LRRN1: variants seen among roughly 807,000 people sequenced by gnomAD.
LRRN1 encodes the protein leucine-rich repeat neuronal protein 1.
In LRRN1, 14 loss-of-function variants were observed where a neutral mutation model predicts 45.8. That is an observed-to-expected ratio of 0.31 (90% CI 0.20 to 0.48). The LOEUF is 0.48. Among genes scored for constraint, LRRN1 ranks in the 20% least tolerant of loss-of-function variants. LRRN1 has a pLI of 0.99. For synonymous variants in LRRN1, 359 were observed against 330.1 expected, an observed-to-expected ratio of 1.09 and a Z score of -0.95; for missense variants, 789 against 874.2, an observed-to-expected ratio of 0.90 and a Z score of 1.23.
At chr3:3,812,412 G>C (rs1210295198) in intron 1 of LRRN1, among the ~76,000 whole-genome samples, 1 of 152,200 alleles carries the variant, frequency 6.6e-6, no homozygotes, top group African/African-American at 2.4e-5. Flanking sequence ...GGAGAGGGAA[G>C]ATCTTTGTAA....
chr3:3,821,020 G>A (rs537307054), intron 1 of LRRN1, among the ~76,000 whole-genome samples: 1 of 152,310 alleles, frequency 6.6e-6, no homozygotes, highest in African/African-American at 2.4e-5. Flanking sequence ...CTTTTTAAAC[G>A]TGGTCTGCAT....
intron 1 of LRRN1, among the ~76,000 whole-genome samples, chr3:3,824,189 T>A (rs916261456): frequency 6.6e-6 from 1 of 152,236 alleles, no homozygotes; most frequent in Non-Finnish European, 1.5e-5. Flanking sequence ...GATCATACCA[T>A]ATACACGTAA....
chr3:3,845,224 A>G lies in LRRN1; in HGVS notation c.583A>G (p.Ile195Val). The G allele has an allele frequency of 6.2e-7, 1 of 1,614,208 alleles. No individual in the cohort carries two copies. Among genetic ancestry groups the G allele is most frequent in the Non-Finnish European group, 8.5e-7 (1 of 1,180,038 alleles). ...GTTTGATTCTACACCCAACCTGGAAATTCTCATGATCGGAGAAAACCCTGT... is the reference window on the plus strand; with the variant it reads ...GTTTGATTCTACACCCAACCTGGAAGTTCTCATGATCGGAGAAAACCCTGT... ...RWFDSTPNLEILMIGENPVIG... is the reference protein window; with the variant it reads ...RWFDSTPNLEVLMIGENPVIG... The change falls in exon 2 of 2, where the codon ATT (isoleucine) becomes GTT (valine). Residue 195 changes from isoleucine (I) to valine (V), a missense_variant. Ile to Val is a conservative substitution (Grantham distance 29). Transcript: ENST00000319331. The surrounding 1 kb of genome is among the most constrained non-coding windows in gnomAD (Gnocchi z 6.5).
intron 1 of LRRN1, among the ~76,000 whole-genome samples, chr3:3,832,594 C>T (rs534740657): frequency 6.6e-6 from 1 of 152,264 alleles, no homozygotes; most frequent in East Asian, 1.9e-4. Context: ...TGCAGTTACC[C>T]TGGTAAAATG....
rs1278445388 is a variant in LRRN1, at chr3:3,816,204, C to A, written c.-279+16285C>A. Among the ~76,000 whole-genome samples the A allele has an allele frequency of 6.6e-6, 1 of 152,096 alleles. No individual in the cohort carries two copies. Among genetic ancestry groups the A allele is most frequent in the Admixed American group, 6.6e-5 (1 of 15,266 alleles). On this transcript the variant is annotated intron_variant, in intron 1 of 1. Coordinates refer to ENST00000319331, the MANE Select transcript of LRRN1 (RefSeq NM_020873.7). The surrounding 1 kb of genome is among the most constrained non-coding windows in gnomAD (Gnocchi z 4.0). Reference sequence around the variant, plus strand: ...TGTTCCTTTGCACCATATGATTACACAAGCCTAGACTGTGTAATTAAGGAC... The same window carrying A: ...TGTTCCTTTGCACCATATGATTACAAAAGCCTAGACTGTGTAATTAAGGAC...
At chr3:3,842,378 A>G (rs1693669678) in intron 1 of LRRN1, among the ~76,000 whole-genome samples, 1 of 151,858 alleles carries the variant, frequency 6.6e-6, no homozygotes, top group Admixed American at 6.6e-5. Context: ...CTCCTGTCTC[A>G]CACTTGCCAG....
chr3:3,835,258 C>T (rs1386022957), intron 1 of LRRN1, among the ~76,000 whole-genome samples: 1 of 152,178 alleles, frequency 6.6e-6, no homozygotes, highest in Admixed American at 6.5e-5. Context: ...ATTGTCAGAA[C>T]ATTTACATTA....
chr3:3,832,956 T>A (rs1693401784), intron 1 of LRRN1, among the ~76,000 whole-genome samples: 2 of 152,200 alleles, frequency 1.3e-5, no homozygotes, highest in Admixed American at 6.5e-5. Context: ...TCCATTACAG[T>A]AGCTATGCCC....
chr3:3,846,144 C>T lies in LRRN1; in HGVS notation c.1503C>T (p.Ala501=). The part of the protein sequence containing the change: ...IEDSGRYTCV[A]QNVQGADTRV... ...ACTCAGGAAGATACACATGTGTTGC[C>T]CAGAATGTCCAAGGGGCAGACACTC... is the stretch of plus-strand genomic sequence containing the variant. The change falls in exon 2 of 2, where the codon GCC becomes GCT. Residue 501 remains alanine, a synonymous_variant. Coordinates refer to ENST00000319331, the MANE Select transcript of LRRN1 (RefSeq NM_020873.7). The surrounding 1 kb of genome is among the most constrained non-coding windows in gnomAD (Gnocchi z 5.7). The T allele has an allele frequency of 6.2e-7, 1 of 1,614,010 alleles. No homozygotes were observed. The highest frequency in any genetic ancestry group is 8.5e-7 in the Non-Finnish European group (1 of 1,180,012).
At chr3:3,836,485 G>A (rs767066706) in intron 1 of LRRN1, among the ~76,000 whole-genome samples, 20 of 152,114 alleles carry the variant, frequency 1.3e-4, no homozygotes, top group Non-Finnish European at 2.5e-4. Flanking sequence ...AGATTCATCC[G>A]TGTTGTAGCA....
chr3:3,840,141 G>C (rs774377167), intron 1 of LRRN1, among the ~76,000 whole-genome samples: 3 of 151,952 alleles, frequency 2.0e-5, no homozygotes, highest in Non-Finnish European at 4.4e-5. Context: ...TTATGTGTAG[G>C]TACTTTCCTT....
intron 1 of LRRN1, among the ~76,000 whole-genome samples, chr3:3,829,516 G>A (rs150440449): frequency 7.4e-4 from 113 of 152,298 alleles, no homozygotes; most frequent in African/African-American, 2.6e-3. Context: ...TGTATTGGAT[G>A]CTGATTCAGA....
Position 3,849,634 on chromosome 3 carries a change from A to G in LRRN1, c.*2842A>G, listed in dbSNP as rs1693855811. On this transcript the variant is annotated 3_prime_UTR_variant, in exon 2 of 2. Coordinates refer to ENST00000319331, the MANE Select transcript of LRRN1 (RefSeq NM_020873.7). ...CCTTCAGGGTATATAGTGTATCTCTAACCTGATTTTTCAAGGTTATTTTTG... is the reference window on the plus strand; with the variant it reads ...CCTTCAGGGTATATAGTGTATCTCTGACCTGATTTTTCAAGGTTATTTTTG... Among the ~76,000 whole-genome samples, 1 of 152,130 alleles carries G rather than the reference A, an allele frequency of 6.6e-6. No individual in the cohort carries two copies. Among genetic ancestry groups the G allele is most frequent in the South Asian group, 2.1e-4 (1 of 4,826 alleles).
At chr3:3,812,681 G>A (rs1180268583) in intron 1 of LRRN1, among the ~76,000 whole-genome samples, 2 of 152,142 alleles carry the variant, frequency 1.3e-5, no homozygotes, top group South Asian at 2.1e-4. Flanking sequence ...AGTCTTGGCT[G>A]GTTAGGTGGC....
chr3:3,834,892 C>T (rs1693473022), intron 1 of LRRN1, among the ~76,000 whole-genome samples: 1 of 152,106 alleles, frequency 6.6e-6, no homozygotes, highest in South Asian at 2.1e-4. Context: ...TTCCCCAGCC[C>T]ACTGACTCAA....
chr3:3,835,424 C>CT, intron 1 of LRRN1, among the ~76,000 whole-genome samples: 1 of 152,104 alleles, frequency 6.6e-6, no homozygotes, highest in East Asian at 1.9e-4. Flanking sequence ...GCTTTCACAC[C>CT]TTTGTAAAGT....
chr3:3,835,899 ATTGT>A (rs1693499419), intron 1 of LRRN1, among the ~76,000 whole-genome samples: 1 of 152,088 alleles, frequency 6.6e-6, no homozygotes, highest in Non-Finnish European at 1.5e-5. Context: ...GTAATGTATA[ATTGT>A]TTGTGGGACT....
intron 1 of LRRN1, among the ~76,000 whole-genome samples, chr3:3,837,700 T>C (rs1332765445): frequency 2.0e-5 from 3 of 151,314 alleles, no homozygotes; most frequent in Middle Eastern, 3.4e-3. Flanking sequence ...CGCACCACAT[T>C]TTTTTTTCTT....
At chr3:3,818,094 T>A (rs1247000088) in intron 1 of LRRN1, among the ~76,000 whole-genome samples, 3 of 152,226 alleles carry the variant, frequency 2.0e-5, no homozygotes, top group Non-Finnish European at 4.4e-5. Context: ...CAGTTCCTTA[T>A]GCAACACTTA....
Sources: allele counts gnomAD v4.1 joint callset (sites outside exome capture counted in the v4.1 genomes callset), GRCh38; gene constraint gnomAD v4.1.1; non-coding constraint Gnocchi (gnomAD v3.1); transcripts MANE v1.5; gene names NCBI Gene and HGNC (gene_info 2026-07-23, HGNC 2026-07-21).